SYCP2L: variants seen among roughly 807,000 people sequenced by gnomAD.
SYCP2L encodes the protein synaptonemal complex protein 2-like.
Under a neutral mutation model 125.8 loss-of-function variants are expected in SYCP2L, and 98 were observed. That is an observed-to-expected ratio of 0.78 (90% confidence interval 0.66 to 0.92). The LOEUF is 0.92. Among genes scored for constraint, SYCP2L ranks in the 40% least tolerant of loss-of-function variants. SYCP2L has a pLI of 0.00. For synonymous variants in SYCP2L, 317 were observed against 325.4 expected, an observed-to-expected ratio of 0.97 and a Z score of 0.28; for missense variants, 842 against 936.4, an observed-to-expected ratio of 0.90 and a Z score of 1.32.
Position 10,941,615 on chromosome 6 carries a change from G to A in SYCP2L, c.1814-844G>A, listed in dbSNP as rs1781222069. Among the ~76,000 whole-genome samples the A allele has an allele frequency of 2.0e-5, 3 of 152,334 alleles. No individual in the cohort carries two copies. The South Asian group carries it at 6.2e-4, about 32-fold the overall frequency. On this transcript the variant is annotated intron_variant, in intron 21 of 29. Transcript: ENST00000283141. ...CGCAATGAGATACCATCTCACACCA[G>A]TTAGAATGGCGATCATTAAAAAGTC...
chr6:10,902,830 T>C, intron 7 of SYCP2L, 45 bp from the exon 8 acceptor site: 2 of 1,611,334 alleles, frequency 1.2e-6, no homozygotes, highest in Non-Finnish European at 1.7e-6. Context: ...TACATAGGTC[T>C]CTGTTTTCTT....
chr6:10,958,210 A>ATT (rs139005082), intron 25 of SYCP2L, among the ~76,000 whole-genome samples: 2 of 145,922 alleles, frequency 1.4e-5, no homozygotes, highest in African/African-American at 5.6e-5. Context: ...TGGATAATTT[A>ATT]TTTTTTTTTA....
chr6:10,930,374 C>A lies in SYCP2L; in HGVS notation c.1493C>A (p.Ser498Tyr). ...GVPDFPQQPKSHYRKHLFSES... is the reference protein window; with the variant it reads ...GVPDFPQQPKYHYRKHLFSES... The stretch of plus-strand genomic sequence containing the variant: ...ATTTATGATCTGTGCTTGTAGAAGT[C>A]TCATTACAGAAAACATCTCTTCTCT... Residue 498 changes from serine (S) to tyrosine (Y), a missense_variant, in exon 19 of 30, where the codon TCT (serine) becomes TAT (tyrosine). Ser to Tyr is a moderately radical substitution (Grantham distance 144). Coordinates refer to ENST00000283141, the MANE Select transcript of SYCP2L (RefSeq NM_001040274.3). 6.2e-7 allele frequency: 1 copy of A among 1,612,036 alleles called. No individual in the cohort carries two copies. Among genetic ancestry groups the A allele is most frequent in the South Asian group, 1.1e-5 (1 of 90,672 alleles).
intron 17 of SYCP2L, 121 bp downstream of exon 17, chr6:10,927,488 G>C: frequency 1.4e-6 from 1 of 727,500 alleles, no homozygotes; most frequent in Non-Finnish European, 2.3e-6. Context: ...GGTAGGTTCC[G>C]TGATGCCCCC....
chr6:10,966,027 T>G (rs1260709655), intron 29 of SYCP2L, among the ~76,000 whole-genome samples: 1 of 152,068 alleles, frequency 6.6e-6, no homozygotes, highest in Non-Finnish European at 1.5e-5. Context: ...GCAGGAGAAT[T>G]GCTTGAACCC....
chr6:10,895,101 A>T (rs1780235572), intron 4 of SYCP2L, among the ~76,000 whole-genome samples: 1 of 152,246 alleles, frequency 6.6e-6, no homozygotes, highest in East Asian at 1.9e-4. Flanking sequence ...GACTGTGTTT[A>T]TGCAAACCGT....
At chr6:10,928,122 A>G (rs1000439059) in intron 17 of SYCP2L, among the ~76,000 whole-genome samples, 1 of 151,896 alleles carries the variant, frequency 6.6e-6, no homozygotes, top group Non-Finnish European at 1.5e-5. Flanking sequence ...AGTTAACGCA[A>G]TCATCACAGG....
chr6:10,923,489 A>T (rs1225761), intron 14 of SYCP2L, among the ~76,000 whole-genome samples: 1 of 148,084 alleles, frequency 6.8e-6, no homozygotes, highest in Non-Finnish European at 1.5e-5. Context: ...GGGTTCAAGC[A>T]ATTCTCCTGC....
intron 25 of SYCP2L, among the ~76,000 whole-genome samples, chr6:10,957,534 G>A (rs144148807): frequency 4.6e-5 from 7 of 152,282 alleles, no homozygotes; most frequent in African/African-American, 1.2e-4. Flanking sequence ...GTCTGGGGCC[G>A]GGCATGGTGA....
rs1255384416 is a variant in SYCP2L, at chr6:10,927,336, C to A, written c.1409C>A (p.Pro470His). ...CACTTAAATGACCAATCTGAGCCAC[C>A]TGTTATTGGGGAACCTGCCTCTGAT... ...TLHLNDQSEP[P>H]VIGEPASDSH... Residue 470 changes from proline to histidine, a missense_variant, in exon 17 of 30, where the codon CCT becomes CAT. Physicochemically the swap from Pro to His is moderately conservative, Grantham distance 77. Transcript: ENST00000283141. 1 of 1,613,758 alleles carries A rather than the reference C, an allele frequency of 6.2e-7. No individual in the cohort carries two copies. Among genetic ancestry groups the A allele is most frequent in the African/African-American group, 1.3e-5 (1 of 74,902 alleles).
chr6:10,950,314 G>C (rs974725554), intron 23 of SYCP2L, among the ~76,000 whole-genome samples: 7 of 152,044 alleles, frequency 4.6e-5, no homozygotes, highest in African/African-American at 1.7e-4. Context: ...AATTTCATGA[G>C]CGTTCCGTGC....
intron 12 of SYCP2L, among the ~76,000 whole-genome samples, chr6:10,911,598 G>T (rs951164051): frequency 6.6e-6 from 1 of 152,118 alleles, no homozygotes; most frequent in African/African-American, 2.4e-5. Context: ...GCTGATTCTT[G>T]TGTCTCAATT....
intron 26 of SYCP2L, among the ~76,000 whole-genome samples, chr6:10,959,813 G>A (rs1365487178): frequency 1.3e-5 from 2 of 150,398 alleles, no homozygotes; most frequent in Non-Finnish European, 2.9e-5. Flanking sequence ...AGGTTGCGGT[G>A]AGCTGAGATC....
chr6:10,892,962 T>TATC (rs397746035), intron 2 of SYCP2L, among the ~76,000 whole-genome samples: 9 of 151,500 alleles, frequency 5.9e-5, no homozygotes, highest in Non-Finnish European at 1.5e-5. Flanking sequence ...TAAAAAATCT[T>TATC]TTATAGTTTA....
rs954934192 is a variant in SYCP2L at position 10,899,445 on chromosome 6, G to C, written c.466+597G>C. 4.6e-5 allele frequency among the ~76,000 whole-genome samples: 7 copies of C among 152,282 alleles called. No homozygotes were observed. The South Asian group carries it at 1.5e-3, about 32-fold the overall frequency. On this transcript the variant is annotated intron_variant, in intron 6 of 29. Coordinates refer to ENST00000283141, the MANE Select transcript of SYCP2L (RefSeq NM_001040274.3). ...CACCTGTAGTCCCAGCTACTTGGGA[G>C]GGTGAGGTGGGAGGATCACTTGAGC...
intron 29 of SYCP2L, among the ~76,000 whole-genome samples, chr6:10,970,682 A>G (rs1363656014): frequency 6.6e-6 from 1 of 151,986 alleles, no homozygotes; most frequent in Non-Finnish European, 1.5e-5. Flanking sequence ...AAGGATGAGG[A>G]TGGATATGAA....
At chr6:10,911,307 C>T (rs1221179072) in intron 12 of SYCP2L, among the ~76,000 whole-genome samples, 1 of 152,020 alleles carries the variant, frequency 6.6e-6, no homozygotes, top group Non-Finnish European at 1.5e-5. Context: ...CTTTATAGTC[C>T]AAGGTTGACC....
intron 23 of SYCP2L, 41 bp from the exon 24 acceptor site, chr6:10,955,075 T>C (rs752088731): frequency 7.0e-7 from 1 of 1,433,494 alleles, no homozygotes; most frequent in South Asian, 1.2e-5. Context: ...ATGAACAAGA[T>C]AATTTCGGGT....
In SYCP2L at chr6:10,910,870, G is replaced by A. The variant is rs1780594441; in HGVS notation, c.918+1G>A. 6.2e-7 allele frequency: 1 copy of A among 1,613,920 alleles called. No homozygotes were observed. The highest frequency in any genetic ancestry group is 8.5e-7 in the Non-Finnish European group (1 of 1,179,888). ...TGCTGCTTTTGCTGATGAGCATGAG[G>A]TATGTTCATCCCTCTTGGAGGTCCT... On this transcript the variant is annotated splice_donor_variant, in intron 12 of 29. Coordinates refer to ENST00000283141, the MANE Select transcript of SYCP2L (RefSeq NM_001040274.3). LOFTEE classifies it high-confidence loss of function.
Sources: allele counts gnomAD v4.1 joint callset (sites outside exome capture counted in the v4.1 genomes callset), GRCh38; gene constraint gnomAD v4.1.1; transcripts MANE v1.5; gene names NCBI Gene and HGNC (gene_info 2026-07-23, HGNC 2026-07-21).